FAT4: variants seen among roughly 807,000 people sequenced by gnomAD.
The protein encoded by FAT4 is protocadherin Fat 4.
In FAT4, 84 loss-of-function variants were observed where a neutral mutation model predicts 303.9. The ratio of observed to expected loss-of-function variants is 0.28; its 90% CI spans 0.23 to 0.33. The LOEUF (loss-of-function observed/expected upper bound fraction) is 0.33. FAT4 is among the 10% of genes least tolerant of loss of function. The pLI is 1.00. For missense variants in FAT4, 6,005 were observed against 6,146.8 expected (o/e 0.98, Z 0.77); for synonymous variants, 2,307 against 2,298.8 (o/e 1.00, Z -0.10).
intron 2 of FAT4, among the ~76,000 whole-genome samples, chr4:125,322,921 T>G (rs1302221219): frequency 6.6e-6 from 1 of 152,100 alleles, no homozygotes; most frequent in Non-Finnish European, 1.5e-5. Flanking sequence ...CTCTTTTACC[T>G]AATTATTTAA....
At chr4:125,481,778 G>T (rs201936402) in intron 16 of FAT4, 40 bp downstream of exon 16, 51 of 1,554,148 alleles carry the variant, frequency 3.3e-5, no homozygotes, top group Non-Finnish European at 4.1e-5. Context: ...TGATTAGACC[G>T]CCTGCCGTGT....
Position 125,318,934 on chromosome 4 carries a change from C to G in FAT4, c.2523C>G (p.Ile841Met). ...TTGDQKGMFA[I>M]NQVTGQLTTA... is the part of the protein sequence containing the mutation. Reference sequence around the variant, plus strand: ...GGGATCAGAAAGGTATGTTTGCTATCAACCAGGTCACTGGGCAGCTTACCA... The same window carrying G: ...GGGATCAGAAAGGTATGTTTGCTATGAACCAGGTCACTGGGCAGCTTACCA... Residue 841 changes from isoleucine (I) to methionine (M), a missense_variant, in exon 2 of 18, where the codon ATC becomes ATG. Transcript: ENST00000394329. The G allele has an allele frequency of 6.2e-7, 1 of 1,614,202 alleles. No individual in the cohort carries two copies. Among genetic ancestry groups the G allele is most frequent in the East Asian group, 2.2e-5 (1 of 44,882 alleles).
intron 2 of FAT4, among the ~76,000 whole-genome samples, chr4:125,325,736 T>C (rs1006910233): frequency 2.0e-5 from 3 of 152,208 alleles, no homozygotes; most frequent in African/African-American, 7.2e-5. Context: ...AGAAAACTTA[T>C]TTACCTTTTT....
intron 7 of FAT4, among the ~76,000 whole-genome samples, chr4:125,420,413 A>G (rs1483665701): frequency 5.3e-5 from 8 of 152,212 alleles, no homozygotes; most frequent in Admixed American, 2.0e-4. Context: ...TTGTCATTTG[A>G]AAGACAACCT....
intron 11 of FAT4, among the ~76,000 whole-genome samples, chr4:125,466,390 T>C (rs571234957): frequency 6.6e-6 from 1 of 152,136 alleles, no homozygotes; most frequent in South Asian, 2.1e-4. Flanking sequence ...TATAGATTTA[T>C]TGAAGTTTAT....
chr4:125,324,626 G>A (rs1157348120), intron 2 of FAT4, among the ~76,000 whole-genome samples: 4 of 152,094 alleles, frequency 2.6e-5, no homozygotes, highest in East Asian at 3.9e-4. Context: ...AGGAATTTAC[G>A]TGGGTGTTCT....
rs1331856526 is a variant in FAT4, at chr4:125,408,604, A to G, written c.5730A>G (p.Gln1910=). 1.2e-6 allele frequency: 2 copies of G among 1,612,932 alleles called. No homozygotes were observed. The highest frequency in any genetic ancestry group is 2.2e-5 in the East Asian group (1 of 44,766). The change falls in exon 5 of 18, where the codon CAA becomes CAG. Residue 1910 remains glutamine (Q), a synonymous_variant. Coordinates refer to ENST00000394329, the MANE Select transcript of FAT4 (RefSeq NM_001291303.3). ...GATTATTAGATTATGAAGTACAGCA[A>G]TATTATATCCTCACTGTTCGAGCAG... The part of the protein sequence containing the change: ...LTRLLDYEVQ[Q]YYILTVRAED...
intron 9 of FAT4, 27 bp from the exon 10 acceptor site, chr4:125,448,431 GAGT>G: frequency 6.4e-7 from 1 of 1,557,360 alleles, no homozygotes; most frequent in African/African-American, 1.4e-5. Context: ...AATTCCACGT[GAGT>G]ATAACTGCAC....
At chr4:125,410,419 A>T (rs902647231) in intron 5 of FAT4, among the ~76,000 whole-genome samples, 1 of 152,158 alleles carries the variant, frequency 6.6e-6, no homozygotes, top group Admixed American at 6.5e-5. Context: ...GGCTCCAGTT[A>T]GATATCTGTA....
intron 10 of FAT4, among the ~76,000 whole-genome samples, chr4:125,454,128 A>G (rs903870391): frequency 2.0e-5 from 3 of 152,242 alleles, no homozygotes; most frequent in Non-Finnish European, 4.4e-5. Flanking sequence ...TACTAGTAGT[A>G]TAGGTAGAAT....
At chr4:125,462,967 AG>A (rs1461100402) in intron 10 of FAT4, among the ~76,000 whole-genome samples, 2 of 152,010 alleles carry the variant, frequency 1.3e-5, no homozygotes, top group African/African-American at 4.8e-5. Flanking sequence ...TATGCTGTTT[AG>A]GTATTATCGC....
intron 2 of FAT4, among the ~76,000 whole-genome samples, chr4:125,372,493 T>C (rs1466706235): frequency 6.6e-6 from 1 of 152,154 alleles, no homozygotes; most frequent in Non-Finnish European, 1.5e-5. Context: ...AGAAAACATG[T>C]TAATCTTTAG....
Position 125,320,645 on chromosome 4 carries a change from G to T in FAT4, c.4234G>T (p.Asp1412Tyr). The T allele has an allele frequency of 4.3e-6, 7 of 1,614,024 alleles. No homozygotes were observed. The highest frequency in any genetic ancestry group is 5.9e-6 in the Non-Finnish European group (7 of 1,179,896). Reference sequence around the variant, plus strand: ...AATGTCAGTGGTTATTCACGTGAGGGACTTTAATGACAATCCTCCTAGCTT... The same window carrying T: ...AATGTCAGTGGTTATTCACGTGAGGTACTTTAATGACAATCCTCCTAGCTT... Reference protein sequence around the residue: ...STMSVVIHVRDFNDNPPSFPP... With the variant: ...STMSVVIHVRYFNDNPPSFPP... Residue 1412 changes from aspartate (D) to tyrosine (Y), a missense_variant, in exon 2 of 18, where the codon GAC becomes TAC. Transcript: ENST00000394329.
chr4:125,443,668 A>C (rs1725734889), intron 8 of FAT4, among the ~76,000 whole-genome samples: 1 of 152,200 alleles, frequency 6.6e-6, no homozygotes, highest in Non-Finnish European at 1.5e-5. Context: ...GCACTAAGAA[A>C]TCAATAAGCT....
At chr4:125,415,876 T>A in intron 6 of FAT4, 70 bp downstream of exon 6, 2 of 1,160,288 alleles carry the variant, frequency 1.7e-6, no homozygotes, top group Non-Finnish European at 2.4e-6. Context: ...TCCCCTCTTC[T>A]ACAGCGTTTA....
chr4:125,428,187 A>G (rs28694074), intron 7 of FAT4, among the ~76,000 whole-genome samples: 62,176 of 151,648 alleles, frequency 0.41, 13,103 homozygotes, highest in Non-Finnish European at 0.46. Context: ...AATCCCAGCT[A>G]CTTGGAAGGT....
rs1334659169 is a variant in FAT4 at position 125,321,168 on chromosome 4, T to G, written c.4757T>G (p.Val1586Gly). 2.5e-6 allele frequency: 4 copies of G among 1,614,026 alleles called. No homozygotes were observed. The highest frequency in any genetic ancestry group is 3.4e-6 in the Non-Finnish European group (4 of 1,179,962). The part of the protein sequence containing the change: ...IVDRYSGDLR[V>G]ASALVPSQLI... ...GATCGTTATAGTGGAGACCTGAGAG[T>G]GGCTTCAGCGTTGGTGCCTTCACAG... Residue 1586 changes from valine (V) to glycine (G), a missense_variant, in exon 2 of 18, where the codon GTG becomes GGG. Coordinates refer to ENST00000394329, the MANE Select transcript of FAT4 (RefSeq NM_001291303.3).
chr4:125,388,838 T>C (rs1295025402), intron 2 of FAT4, among the ~76,000 whole-genome samples: 1 of 152,142 alleles, frequency 6.6e-6, no homozygotes, highest in Non-Finnish European at 1.5e-5. Flanking sequence ...TGGAGTTAAC[T>C]ATGTGTTATC....
intron 2 of FAT4, among the ~76,000 whole-genome samples, chr4:125,341,713 C>T (rs980014941): frequency 2.0e-5 from 3 of 151,886 alleles, no homozygotes; most frequent in African/African-American, 7.2e-5. Flanking sequence ...ATGTAACATT[C>T]TATATGTAAC....
Sources: gnomAD v4.1 joint callset for allele counts (sites outside exome capture counted in the v4.1 genomes callset) on GRCh38, gnomAD v4.1.1 for gene constraint, MANE v1.5 for transcripts, NCBI Gene and HGNC (gene_info 2026-07-23, HGNC 2026-07-21) for gene names.